The following GRIK4 variants were observed in gnomAD, a reference collection of about 807,000 sequenced individuals.
GRIK4 encodes glutamate receptor ionotropic, kainate 4.
A neutral mutation model predicts 104.9 loss-of-function variants in GRIK4; 40 were observed. The ratio of observed to expected loss-of-function variants is 0.38; its 90% CI spans 0.30 to 0.50. The LOEUF is 0.50. GRIK4 is among the 20% of genes least tolerant of loss of function. The pLI is 0.93. For synonymous variants in GRIK4, 485 were observed against 524.9 expected (o/e 0.92, Z 1.04); for missense variants, 1,047 against 1,308.1 (o/e 0.80, Z 3.08).
Position 120,614,365 on chromosome 11 carries a change from A to G in GRIK4, c.-158-39320A>G, listed in dbSNP as rs149871844. ...CCGGGGCCCAATCCCACTGGGGCAC[A>G]GTGGGAGAGTATGGCCACTAGCTAG... On this transcript the variant is annotated intron_variant, in intron 1 of 20. Coordinates refer to ENST00000527524, the MANE Select transcript of GRIK4 (RefSeq NM_014619.5). Among the ~76,000 whole-genome samples, 15 of 152,378 alleles carry G rather than the reference A, an allele frequency of 9.8e-5. No homozygotes were observed. In the East Asian group the frequency reaches 2.9e-3, roughly 29 times the overall value.
chr11:120,673,480 C>T (rs550650192), intron 3 of GRIK4, among the ~76,000 whole-genome samples: 1 of 152,326 alleles, frequency 6.6e-6, no homozygotes, highest in Non-Finnish European at 1.5e-5. Context: ...TGAGGCAAAT[C>T]TTGTTCCTAT....
Position 120,967,049 on chromosome 11 carries a change from G to T in GRIK4, c.2267-146G>T. The T allele has an allele frequency of 1.2e-6, 1 of 834,968 alleles. No individual in the cohort carries two copies. The highest frequency in any genetic ancestry group is 1.8e-6 in the Non-Finnish European group (1 of 545,024). 51.7% of individuals were successfully genotyped at this position (834,968 alleles called of 1,614,324 possible). A position where few individuals can be genotyped will look rare whatever the true frequency, so the allele number is the denominator to read the frequency against. On this transcript the variant is annotated intron_variant, in intron 18 of 20. Coordinates refer to ENST00000527524, the MANE Select transcript of GRIK4 (RefSeq NM_014619.5). This position sits in a 1 kb window ranked among gnomAD's most constrained non-coding sequence, Gnocchi z 4.2. ...TGGAGTAGACAGCACTGGCCCCATG[G>T]GCTCGCCCCACCCGCTGCATCTGTC...
At chr11:120,600,451 T>A (rs1270742963) in intron 1 of GRIK4, among the ~76,000 whole-genome samples, 5 of 152,188 alleles carry the variant, frequency 3.3e-5, no homozygotes, top group Non-Finnish European at 7.3e-5. Flanking sequence ...TGAGGCTAAC[T>A]CAGGGAAATG....
At chr11:120,568,231 A>G (rs1948355106) in intron 1 of GRIK4, among the ~76,000 whole-genome samples, 1 of 151,986 alleles carries the variant, frequency 6.6e-6, no homozygotes, top group Non-Finnish European at 1.5e-5. Flanking sequence ...AAGACTCACA[A>G]CCTCTTAAGG....
At chr11:120,723,889 C>T (rs1438171298) in intron 3 of GRIK4, among the ~76,000 whole-genome samples, 3 of 152,026 alleles carry the variant, frequency 2.0e-5, no homozygotes, top group Non-Finnish European at 4.4e-5. Context: ...CGAATGCATG[C>T]AAGCATGTAA....
chr11:120,681,013 GC>G (rs1379768362), intron 3 of GRIK4, among the ~76,000 whole-genome samples: 14 of 152,294 alleles, frequency 9.2e-5, no homozygotes, highest in African/African-American at 3.4e-4. Flanking sequence ...TGGCCCTGAT[GC>G]CCGACTCCAC....
intron 3 of GRIK4, among the ~76,000 whole-genome samples, chr11:120,760,462 T>C (rs958730875): frequency 2.7e-5 from 4 of 150,456 alleles, no homozygotes; most frequent in Non-Finnish European, 3.0e-5. Context: ...TCTTTTTTAT[T>C]ATACTTTAAG....
intron 9 of GRIK4, among the ~76,000 whole-genome samples, chr11:120,863,373 C>A (rs565448743): frequency 2.6e-4 from 39 of 152,290 alleles, no homozygotes; most frequent in Non-Finnish European, 4.1e-4. Flanking sequence ...CTACACTATA[C>A]CATATAGCCT....
rs369374873 is a variant in GRIK4, at chr11:120,644,011, CTGTG to C, written c.-158-9643_-158-9640del. 4.1e-3 allele frequency among the ~76,000 whole-genome samples: 499 copies of C among 122,924 alleles called. 1 individual carries two copies. The highest frequency in any genetic ancestry group is 0.016 in the Middle Eastern group (4 of 256). 80.6% of individuals were successfully genotyped at this position (122,924 alleles called of 152,430 possible). A position where few individuals can be genotyped will look rare whatever the true frequency, so the allele number is the denominator to read the frequency against. On this transcript the variant is annotated intron_variant, in intron 1 of 20. Coordinates refer to ENST00000527524, the MANE Select transcript of GRIK4 (RefSeq NM_014619.5). ...ATGACAAGTTTCCAGGGGAGAGGGT[CTGTG>C]TGTGTGTGTGTGTGTGTGTGTGTGT...
rs570287815 is a variant in GRIK4 at position 120,524,448 on chromosome 11, C to G, written c.-159+12561C>G. Among the ~76,000 whole-genome samples the G allele has an allele frequency of 1.3e-5, 2 of 152,302 alleles. No individual in the cohort carries two copies. Among genetic ancestry groups the G allele is most frequent in the Non-Finnish European group, 2.9e-5 (2 of 68,028 alleles). ...TGTGTGATCTTAAAACACATTTCCC[C>G]TGGTGGATGACAGGACTGGTTTCTC... On this transcript the variant is annotated intron_variant, in intron 1 of 20. Transcript: ENST00000527524. The surrounding 1 kb of genome is among the most constrained non-coding windows in gnomAD (Gnocchi z 4.5).
Position 120,962,621 on chromosome 11 carries a change from A to T in GRIK4, c.2206A>T (p.Asn736Tyr). Residue 736 changes from asparagine (N) to tyrosine (Y), a missense_variant, in exon 18 of 21, where the codon AAC (asparagine) becomes TAC (tyrosine). Physicochemically the swap from Asn to Tyr is moderately radical, Grantham distance 143. Transcript: ENST00000527524. ...CGAGTACTATCGGCAGCGAAACTGC[A>T]ACCTCACTCAGATTGGGGGCCTGCT... Reference protein sequence around the residue: ...MNEYYRQRNCNLTQIGGLLDT... With the variant: ...MNEYYRQRNCYLTQIGGLLDT... 1.2e-6 allele frequency: 2 copies of T among 1,614,140 alleles called. No individual in the cohort carries two copies. The highest frequency in any genetic ancestry group is 2.2e-5 in the South Asian group (2 of 91,070).
intron 13 of GRIK4, among the ~76,000 whole-genome samples, chr11:120,927,917 A>T (rs1359822215): frequency 2.0e-5 from 3 of 152,124 alleles, no homozygotes; most frequent in Non-Finnish European, 4.4e-5. Context: ...GCATAAAAAA[A>T]TATTAAGAAG....
At position 120,526,194 on chromosome 11, in the gene GRIK4, G is replaced by A. The variant is rs186613978; in HGVS notation, c.-159+14307G>A. ...GACATTCCTTGAGCTGCACACTTAT[G>A]TGCACTTCTCTTTCTTTTTTTCCTT... On this transcript the variant is annotated intron_variant, in intron 1 of 20. Coordinates refer to ENST00000527524, the MANE Select transcript of GRIK4 (RefSeq NM_014619.5). Among the ~76,000 whole-genome samples the A allele has an allele frequency of 2.6e-5, 4 of 152,126 alleles. No homozygotes were observed. The East Asian group carries it at 7.7e-4, about 29-fold the overall frequency.
chr11:120,795,987 G>A (rs932726428), intron 3 of GRIK4, among the ~76,000 whole-genome samples: 1 of 150,402 alleles, frequency 6.6e-6, no homozygotes, highest in Non-Finnish European at 1.5e-5. Context: ...ATTTTTGTTG[G>A]TGTTATTTTT....
At chr11:120,556,777 C>T (rs1948191165) in intron 1 of GRIK4, among the ~76,000 whole-genome samples, 1 of 152,180 alleles carries the variant, frequency 6.6e-6, no homozygotes, top group South Asian at 2.1e-4. Flanking sequence ...TTCATAATTA[C>T]AGTAATCCAT....
At chr11:120,824,333 G>A (rs949695479) in intron 6 of GRIK4, among the ~76,000 whole-genome samples, 1 of 152,174 alleles carries the variant, frequency 6.6e-6, no homozygotes, top group African/African-American at 2.4e-5. Context: ...AGAGCTCACA[G>A]AGCCTGAGGG....
At chr11:120,807,310 T>C (rs7105205) in intron 4 of GRIK4, among the ~76,000 whole-genome samples, 18,714 of 151,750 alleles carry the variant, frequency 0.12, 3,663 homozygotes, top group African/African-American at 0.42. Context: ...TCAAACAACC[T>C]GAGGCTCCGT....
chr11:120,515,328 C>T (rs1040810808), intron 1 of GRIK4, among the ~76,000 whole-genome samples: 21 of 152,336 alleles, frequency 1.4e-4, no homozygotes, highest in African/African-American at 4.8e-4. Context: ...TGCCTCACCT[C>T]TCTGAGCCTC....
At chr11:120,698,569 A>G (rs1199221088) in intron 3 of GRIK4, among the ~76,000 whole-genome samples, 1 of 152,226 alleles carries the variant, frequency 6.6e-6, no homozygotes, top group Non-Finnish European at 1.5e-5. Flanking sequence ...TCTCTTAGTA[A>G]TGTTCACAAT....
Sources: allele counts gnomAD v4.1 joint callset (sites outside exome capture counted in the v4.1 genomes callset), GRCh38; gene constraint gnomAD v4.1.1; non-coding constraint Gnocchi (gnomAD v3.1); transcripts MANE v1.5; gene names NCBI Gene and HGNC (gene_info 2026-07-23, HGNC 2026-07-21).